Variants in SLC25A45 observed in about 807,000 individuals in gnomAD.
SLC25A45 encodes methylated amino-acid transporter SLC25A45.
SLC25A45 carries 22 observed loss-of-function variants against 23.0 expected under a neutral mutation model. That is an observed-to-expected ratio of 0.95 (90% CI 0.68 to 1.36). SLC25A45 has a LOEUF of 1.36. Among genes scored for constraint, SLC25A45 ranks in the 40% most tolerant of loss-of-function variants. SLC25A45 has a pLI of 0.00. For missense variants in SLC25A45, 355 were observed against 383.5 expected (o/e 0.93, Z 0.62); for synonymous variants, 136 against 155.0 (o/e 0.88, Z 0.91).
chr11:65,382,047 A>C lies in SLC25A45; in HGVS notation c.-18-78T>G. On this transcript the variant is annotated intron_variant, in intron 1 of 6. Transcript: ENST00000398802. This position sits in a 1 kb window ranked among gnomAD's most constrained non-coding sequence, Gnocchi z 4.4. ...GGCCCACGCTGATAACCTCCCACTA[A>C]TGTTTAACCCTGGCGGGAAGGTGAG... 2.8e-6 allele frequency: 3 copies of C among 1,062,430 alleles called. No individual in the cohort carries two copies. Among genetic ancestry groups the C allele is most frequent in the Non-Finnish European group, 4.4e-6 (3 of 679,526 alleles). 65.8% of individuals were successfully genotyped at this position (1,062,430 alleles called of 1,614,324 possible).
chr11:65,379,402 C>A lies in SLC25A45; in HGVS notation c.313G>T (p.Ala105Ser). Residue 105 changes from alanine (A) to serine (S), a missense_variant, in exon 5 of 7, where the codon GCG (alanine) becomes TCG (serine). By Grantham distance (99) the Ala-to-Ser change is moderately conservative. Transcript: ENST00000398802. ...TGCAGGAACCCCCCGGTGCAGCCCG[C>A]TAGGAAGATGTGCATGTAGCTGGGC... ...QPPSYMHIFL[A>S]GCTGGFLQAY... is the part of the protein sequence containing the mutation. 1 of 1,611,968 alleles carries A rather than the reference C, an allele frequency of 6.2e-7. No individual in the cohort carries two copies. Among genetic ancestry groups the A allele is most frequent in the Non-Finnish European group, 8.5e-7 (1 of 1,179,932 alleles).
At chr11:65,379,128 T>C (rs1855387070) in intron 5 of SLC25A45, 2 of 498,302 alleles carry the variant, frequency 4.0e-6, no homozygotes, top group Non-Finnish European at 7.1e-6. Context: ...CTGGAGCGAG[T>C]GGCCCAGGCT....
At chr11:65,381,560 CTTTTTT>C (rs34891223) in intron 2 of SLC25A45, 2,851 of 84,662 alleles carry the variant, frequency 0.034, 116 homozygotes, top group African/African-American at 0.15. Flanking sequence ...TGCCCTGATT[CTTTTTT>C]TTTTTTTTTT....
chr11:65,380,475 C>T (rs1321470461), intron 2 of SLC25A45: 7 of 1,295,644 alleles, frequency 5.4e-6, no homozygotes, highest in Non-Finnish European at 6.3e-6. Flanking sequence ...GGAGCCCATA[C>T]CCGGGTATCC....
At position 65,376,789 on chromosome 11, in the gene SLC25A45, C is replaced by A. The variant is rs548157482; in HGVS notation, c.598+29G>T. 1.1e-4 allele frequency: 175 copies of A among 1,614,202 alleles called. 6 individuals are homozygous for A. In the South Asian group the frequency reaches 1.9e-3, roughly 18 times the overall value. On this transcript the variant is annotated intron_variant, in intron 6 of 6. Coordinates refer to ENST00000398802, the MANE Select transcript of SLC25A45 (RefSeq NM_182556.4). Reference sequence around the variant, plus strand: ...CCCTGCCTGCTACCCACACCTCTGTCCCCCATCCTCTCACGCCACTTTACT... The same window carrying A: ...CCCTGCCTGCTACCCACACCTCTGTACCCCATCCTCTCACGCCACTTTACT...
At chr11:65,376,723 T>A (rs773852611) in intron 6 of SLC25A45, 48 bp from the exon 7 acceptor site, 1 of 1,613,720 alleles carries the variant, frequency 6.2e-7, no homozygotes, top group Non-Finnish European at 8.5e-7. Flanking sequence ...GAACAGAGCA[T>A]CCTCCCCAGA....
chr11:65,380,341 G>C, intron 2 of SLC25A45, 166 bp from the exon 3 acceptor site: 1 of 1,046,694 alleles, frequency 9.6e-7, no homozygotes, highest in Non-Finnish European at 1.4e-6. Flanking sequence ...AGCTGCCCCT[G>C]CCACCCCCTC....
chr11:65,377,861 C>G (rs1358734874), intron 5 of SLC25A45: 1 of 152,278 alleles, frequency 6.6e-6, no homozygotes, highest in Non-Finnish European at 1.5e-5. Flanking sequence ...CATGTCAAGG[C>G]TAGCCTGTCT....
rs1322881854 is a variant in SLC25A45, at chr11:65,382,057, C to G, written c.-18-88G>C. The G allele has an allele frequency of 1.9e-6, 2 of 1,033,734 alleles. No individual in the cohort carries two copies. The highest frequency in any genetic ancestry group is 3.0e-6 in the Non-Finnish European group (2 of 657,472). The allele number at this position is 1,033,734 out of a possible 1,614,324, so 64.0% of individuals were successfully genotyped here. Reference sequence around the variant, plus strand: ...GATAACCTCCCACTAATGTTTAACCCTGGCGGGAAGGTGAGAATTGGCCTG... The same window carrying G: ...GATAACCTCCCACTAATGTTTAACCGTGGCGGGAAGGTGAGAATTGGCCTG... On this transcript the variant is annotated intron_variant, in intron 1 of 6. Transcript: ENST00000398802. The surrounding 1 kb of genome is among the most constrained non-coding windows in gnomAD (Gnocchi z 4.4).
upstream of SLC25A45, chr11:65,383,203 G>A (rs116695479): frequency 0.011 from 1,631 of 152,812 alleles, 28 homozygotes; most frequent in African/African-American, 0.037. Flanking sequence ...TCCCATGGGG[G>A]ACGCCCAAGG....
At chr11:65,377,241 G>A (rs1855262519) in intron 5 of SLC25A45, 165 bp from the exon 6 acceptor site, 6 of 1,432,492 alleles carry the variant, frequency 4.2e-6, no homozygotes, top group East Asian at 2.5e-5. Context: ...GGATGGCCAG[G>A]ATGTCTGCAT....
Position 65,376,853 on chromosome 11 carries a change from A to T in SLC25A45, c.563T>A (p.Leu188His). Residue 188 changes from leucine to histidine, a missense_variant, in exon 6 of 7, where the codon CTC (leucine) becomes CAC (histidine). By Grantham distance (99) the Leu-to-His change is moderately conservative. Transcript: ENST00000398802. The stretch of plus-strand genomic sequence containing the variant: ...GCCTTCTGGTGTGTACTGGCGACAG[A>T]GCCCTTCATAGGTGATGAAGTAGAT... Reference protein sequence around the residue: ...VGIYFITYEGLCRQYTPEGQN... With the variant: ...VGIYFITYEGHCRQYTPEGQN... 1 of 1,614,200 alleles carries T rather than the reference A, an allele frequency of 6.2e-7. No individual in the cohort carries two copies. Among genetic ancestry groups the T allele is most frequent in the Non-Finnish European group, 8.5e-7 (1 of 1,180,032 alleles).
At position 65,376,648 on chromosome 11, in the gene SLC25A45, C is replaced by A. The variant is rs773868879; in HGVS notation, c.626G>T (p.Gly209Val). Residue 209 changes from glycine to valine, a missense_variant, in exon 7 of 7, where the codon GGC (glycine) becomes GTC (valine). Gly to Val is a moderately radical substitution (Grantham distance 109). Transcript: ENST00000398802. ...CACCCAGGAAGCAATGCCTGCAAAG[C>A]CCCCTGCCACCAGCACCGTGGCTGA... is the stretch of plus-strand genomic sequence containing the variant. ...PSSATVLVAG[G>V]FAGIASWVAA... 5.1e-5 allele frequency: 83 copies of A among 1,613,878 alleles called. No homozygotes were observed. Among genetic ancestry groups the A allele is most frequent in the Admixed American group, 4.7e-4 (28 of 60,006 alleles).
chr11:65,380,191 G>A lies in SLC25A45; in HGVS notation c.38-16C>T. 2 of 1,614,168 alleles carry A rather than the reference G, an allele frequency of 1.2e-6. No individual in the cohort carries two copies. Among genetic ancestry groups the A allele is most frequent in the South Asian group, 1.1e-5 (1 of 91,086 alleles). On this transcript the variant is annotated splice_polypyrimidine_tract_variant and intron_variant, in intron 2 of 6. Transcript: ENST00000398802. ...CCCAGAGCGCCTGTGGTGACAAGAG[G>A]GTGCTATGAGTGAGGGCCCTCGTGC... is the stretch of plus-strand genomic sequence containing the variant.
chr11:65,380,419 C>T, intron 2 of SLC25A45: 1 of 963,070 alleles, frequency 1.0e-6, no homozygotes, highest in Non-Finnish European at 1.5e-6. Flanking sequence ...CCTGAGGATG[C>T]ACACCCAAGA....
At position 65,376,847 on chromosome 11, in the gene SLC25A45, C is replaced by T. The variant is rs200629305; in HGVS notation, c.569G>A (p.Arg190His). ...ATTCTGGCCTTCTGGTGTGTACTGGCGACAGAGCCCTTCATAGGTGATGAA... is the reference window on the plus strand; with the variant it reads ...ATTCTGGCCTTCTGGTGTGTACTGGTGACAGAGCCCTTCATAGGTGATGAA... The part of the protein sequence containing the change: ...IYFITYEGLC[R>H]QYTPEGQNPS... Residue 190 changes from arginine to histidine, a missense_variant, in exon 6 of 7, where the codon CGC (arginine) becomes CAC (histidine). Coordinates refer to ENST00000398802, the MANE Select transcript of SLC25A45 (RefSeq NM_182556.4). 5.7e-4 allele frequency: 925 copies of T among 1,614,204 alleles called. 13 individuals carry two copies. In the South Asian group the frequency reaches 9.2e-3, roughly 16 times the overall value.
At chr11:65,376,703 G>A (rs778175897) in intron 6 of SLC25A45, 28 bp from the exon 7 acceptor site, 2 of 1,613,206 alleles carry the variant, frequency 1.2e-6, no homozygotes, top group Middle Eastern at 1.6e-4. Flanking sequence ...CAGAGCAGGG[G>A]TCAGACCCAG....
At chr11:65,380,378 C>T in intron 2 of SLC25A45, 1 of 932,812 alleles carries the variant, frequency 1.1e-6, no homozygotes, top group Non-Finnish European at 1.6e-6. Context: ...CAGGAAGGCA[C>T]TGGGACAAGG....
chr11:65,380,707 C>T (rs544738509), intron 2 of SLC25A45: 5 of 810,290 alleles, frequency 6.2e-6, no homozygotes, highest in African/African-American at 5.4e-5. Context: ...CCTAGCCCTG[C>T]CCTCCACAGC....
Sources: allele counts gnomAD v4.1 joint callset, GRCh38; gene constraint gnomAD v4.1.1; non-coding constraint Gnocchi (gnomAD v3.1); transcripts MANE v1.5; gene names NCBI Gene and HGNC (gene_info 2026-07-23, HGNC 2026-07-21).